The following HOOK2 variants were observed in gnomAD, a reference collection of about 807,000 sequenced individuals.
HOOK2 encodes the protein protein Hook homolog 2.
A neutral mutation model predicts 111.9 loss-of-function variants in HOOK2; 108 were observed. The ratio of observed to expected loss-of-function variants is 0.96; its 90% CI spans 0.83 to 1.13. HOOK2 has a LOEUF of 1.13. Ranked by LOEUF, HOOK2 falls within the 50% of genes most tolerant of loss-of-function variation. The pLI is 0.00. For missense variants in HOOK2, 978 were observed against 951.3 expected (o/e 1.03, Z -0.37); for synonymous variants, 405 against 394.3 (o/e 1.03, Z -0.32).
At chr19:12,781,794 T>G (rs1325111046), upstream of HOOK2, among the ~76,000 whole-genome samples, 5 of 151,670 alleles carry the variant, frequency 3.3e-5, no homozygotes, top group African/African-American at 1.2e-4. Context: ...TGTGGCTGTG[T>G]GACAAAACAA....
chr19:12,789,611 G>C (rs1271486756), intron 3 of HOOK2, among the ~76,000 whole-genome samples: 1 of 151,996 alleles, frequency 6.6e-6, no homozygotes, highest in Non-Finnish European at 1.5e-5. Flanking sequence ...GGCAGCCGCC[G>C]TTCCAGCCCG....
chr19:12,763,675 T>C lies in HOOK2; in HGVS notation c.1931A>G (p.His644Arg). 6.2e-7 allele frequency: 1 copy of C among 1,614,154 alleles called. No homozygotes were observed. The change falls in exon 21 of 23, where the codon CAC (histidine) becomes CGC (arginine). Residue 644 changes from histidine to arginine, a missense_variant. Around this residue, in one of 5 missense-constraint regions of HOOK2, gnomAD observed 277 missense variants for 265.8 expected, o/e 1.04. Transcript: ENST00000397668. ...AGGGACGAGGACACCCACCTCCAGG[T>C]GTCGGATGCGGACATCCCGTTCTCG... ...QLRERDVRIR[H>R]LEMDFEKSRS...
chr19:12,781,355 C>G (rs1968599724), upstream of HOOK2, among the ~76,000 whole-genome samples: 2 of 151,198 alleles, frequency 1.3e-5, no homozygotes, highest in African/African-American at 4.9e-5. Flanking sequence ...GAGACAGAGT[C>G]TCGCTCTGTC....
chr19:12,788,284 A>G (rs1568380660), intron 3 of HOOK2, among the ~76,000 whole-genome samples: 1 of 152,184 alleles, frequency 6.6e-6, no homozygotes, highest in Non-Finnish European at 1.5e-5. Context: ...CATCTGTTAC[A>G]TGGGGATACA....
intron 3 of HOOK2, among the ~76,000 whole-genome samples, chr19:12,789,139 C>T (rs1396335547): frequency 3.9e-5 from 6 of 152,242 alleles, no homozygotes; most frequent in South Asian, 2.1e-4. Flanking sequence ...GAGAGAGGCT[C>T]TCTTCATCCT....
At position 12,767,829 on chromosome 19, in the gene HOOK2, C is replaced by G; in HGVS notation, c.1290G>C (p.Gly430=). The part of the protein sequence containing the change: ...ELRCAQLQPR[G]LTQADPSLDP... ...GCTTCATCTCACCGGCCTGGGTCAA[C>G]CCCCGCGGCTGCAGCTGGGCGCAGC... The change falls in exon 13 of 23, where the codon GGG becomes GGC. Residue 430 remains glycine, a synonymous_variant. Transcript: ENST00000397668. The G allele has an allele frequency of 6.2e-6, 10 of 1,602,900 alleles. No individual in the cohort carries two copies. The highest frequency in any genetic ancestry group is 6.8e-6 in the Non-Finnish European group (8 of 1,179,830).
Position 12,784,251 on chromosome 19 carries a change from A to G in HOOK2, n.42-10026T>C, listed in dbSNP as rs1599519942. Among the ~76,000 whole-genome samples the G allele has an allele frequency of 2.6e-5, 4 of 152,236 alleles. No homozygotes were observed. In the South Asian group the frequency reaches 8.3e-4, roughly 32 times the overall value. Reference sequence around the variant, plus strand: ...CGGGGGGCTGTAGGAATGTACACACAGTCACCCCGAGAGAGCCAGTCCAGA... The same window carrying G: ...CGGGGGGCTGTAGGAATGTACACACGGTCACCCCGAGAGAGCCAGTCCAGA... On this transcript the variant is annotated intron_variant and non_coding_transcript_variant, in intron 3 of 3. Coordinates refer to the HOOK2 transcript ENST00000589765.
intron 3 of HOOK2, chr19:12,774,142 G>A (rs897756622): frequency 3.8e-5 from 6 of 159,394 alleles, no homozygotes; most frequent in Admixed American, 3.6e-4. Flanking sequence ...GTCTCGCTCT[G>A]TTGCCCAGGC....
chr19:12,783,297 G>A (rs1968625077), upstream of HOOK2, among the ~76,000 whole-genome samples: 1 of 150,746 alleles, frequency 6.6e-6, no homozygotes, highest in African/African-American at 2.4e-5. Flanking sequence ...CCCTTAGCAA[G>A]CCAGAGGCGC....
Sources: gnomAD v4.1 joint callset for allele counts (sites outside exome capture counted in the v4.1 genomes callset) on GRCh38, gnomAD v4.1.1 for gene constraint, gnomAD v4.1.1 regional missense constraint, MANE v1.5 for transcripts, NCBI Gene and HGNC (gene_info 2026-07-23, HGNC 2026-07-21) for gene names.